LRP1B: variants seen among roughly 807,000 people sequenced by gnomAD.
LRP1B encodes LDL receptor related protein 1B, also known as low-density lipoprotein receptor-related protein 1B.
LRP1B carries 217 observed loss-of-function variants against 556.6 expected under a neutral mutation model. The observed-to-expected ratio is 0.39, with a 90% CI of 0.35 to 0.44. The LOEUF is 0.44. Ranked by LOEUF, LRP1B falls within the 20% of genes least tolerant of loss-of-function variation. The pLI is 1.00. For missense variants in LRP1B, 5,053 were observed against 5,620.8 expected (o/e 0.90, Z 3.23); for synonymous variants, 2,047 against 1,865.8 (o/e 1.10, Z -2.50).
chr2:142,009,573 TAA>T (rs111442729), intron 1 of LRP1B, among the ~76,000 whole-genome samples: 3,866 of 152,250 alleles, frequency 0.025, 165 homozygotes, highest in East Asian at 0.17. Context: ...ACTTCACTTC[TAA>T]AAAGAGTGTC....
chr2:142,106,403 A>G (rs995514488), intron 1 of LRP1B, among the ~76,000 whole-genome samples: 1 of 152,154 alleles, frequency 6.6e-6, no homozygotes, highest in Admixed American at 6.6e-5. Flanking sequence ...ACCTCATGTC[A>G]TAAGCTGTAA....
intron 35 of LRP1B, among the ~76,000 whole-genome samples, chr2:140,763,850 T>C (rs1689010873): frequency 6.6e-6 from 1 of 152,290 alleles, no homozygotes; most frequent in East Asian, 1.9e-4. Flanking sequence ...CCTACAAATC[T>C]ATACACACTG....
At chr2:140,630,892 A>G (rs1253663362) in intron 41 of LRP1B, among the ~76,000 whole-genome samples, 1 of 152,162 alleles carries the variant, frequency 6.6e-6, no homozygotes, top group East Asian at 1.9e-4. Context: ...CAGACCTGGG[A>G]CAGAAGCCCA....
At chr2:141,141,223 A>C (rs1398077499) in intron 7 of LRP1B, among the ~76,000 whole-genome samples, 2 of 152,288 alleles carry the variant, frequency 1.3e-5, no homozygotes, top group East Asian at 3.9e-4. Flanking sequence ...GACAAATCAG[A>C]TCGGATTAAT....
intron 2 of LRP1B, among the ~76,000 whole-genome samples, chr2:141,491,841 T>G (rs1263630177): frequency 3.3e-5 from 5 of 152,102 alleles, no homozygotes; most frequent in Non-Finnish European, 7.4e-5. Flanking sequence ...TTTTTTTCTT[T>G]TTAAGATACC....
intron 1 of LRP1B, among the ~76,000 whole-genome samples, chr2:141,978,176 T>TC (rs1458521353): frequency 1.3e-5 from 2 of 152,230 alleles, no homozygotes; most frequent in East Asian, 3.9e-4. Flanking sequence ...AATGAACTTA[T>TC]CTCCTTATCT....
chr2:142,066,667 C>G (rs141927404), intron 1 of LRP1B, among the ~76,000 whole-genome samples: 1 of 151,554 alleles, frequency 6.6e-6, no homozygotes, highest in East Asian at 1.9e-4. Flanking sequence ...CATTGACTTC[C>G]GTATTTCTAC....
At chr2:141,629,365 C>A (rs1202317112) in intron 2 of LRP1B, among the ~76,000 whole-genome samples, 1 of 152,074 alleles carries the variant, frequency 6.6e-6, no homozygotes, top group Non-Finnish European at 1.5e-5. Flanking sequence ...AAGAGCTAAA[C>A]CCCCCTACAC....
chr2:141,631,468 C>T (rs1352533882), intron 2 of LRP1B, among the ~76,000 whole-genome samples: 1 of 132,254 alleles, frequency 7.6e-6, no homozygotes, highest in Non-Finnish European at 1.5e-5. Flanking sequence ...CCAGACTGGA[C>T]AAACTAGAAT....
intron 7 of LRP1B, among the ~76,000 whole-genome samples, chr2:141,108,402 G>A (rs749369035): frequency 5.6e-5 from 7 of 125,332 alleles, no homozygotes; most frequent in Non-Finnish European, 1.1e-4. Flanking sequence ...AGGCTGGAGT[G>A]CAATGGCACA....
At chr2:141,001,700 A>T (rs574628738) in intron 15 of LRP1B, among the ~76,000 whole-genome samples, 1 of 152,078 alleles carries the variant, frequency 6.6e-6, no homozygotes, top group Non-Finnish European at 1.5e-5. Flanking sequence ...GCTACCTCCC[A>T]TCTTTAAGAG....
chr2:140,978,468 G>C (rs1304136332), intron 18 of LRP1B, among the ~76,000 whole-genome samples: 1 of 152,058 alleles, frequency 6.6e-6, no homozygotes, highest in Admixed American at 6.6e-5. Context: ...GAAACCTTTG[G>C]GAATCTGGGC....
intron 2 of LRP1B, among the ~76,000 whole-genome samples, chr2:141,531,002 A>T (rs1435538330): frequency 6.6e-6 from 1 of 151,676 alleles, no homozygotes; most frequent in African/African-American, 2.4e-5. Context: ...AGTAAATTTT[A>T]AGCAAAGAAA....
chr2:140,994,282 C>T, intron 15 of LRP1B, 147 bp from the exon 16 acceptor site: 3 of 679,448 alleles, frequency 4.4e-6, no homozygotes, highest in Non-Finnish European at 7.4e-6. Flanking sequence ...CCTTATTTTA[C>T]TGAGCACAAT....
intron 1 of LRP1B, among the ~76,000 whole-genome samples, chr2:141,885,841 TA>T (rs1364091200): frequency 3.9e-5 from 6 of 152,186 alleles, no homozygotes; most frequent in African/African-American, 1.4e-4. Flanking sequence ...TTGTGGTAAA[TA>T]AAAGTAAGGA....
intron 84 of LRP1B, among the ~76,000 whole-genome samples, chr2:140,291,139 C>T (rs1227137055): frequency 1.3e-5 from 2 of 151,270 alleles, no homozygotes; most frequent in South Asian, 4.2e-4. Context: ...AGCCCTCCTG[C>T]TAATAGAAAC....
intron 2 of LRP1B, among the ~76,000 whole-genome samples, chr2:141,753,263 C>CACATATATATATAT (rs1553459356): frequency 1.6e-5 from 1 of 62,502 alleles, no homozygotes; most frequent in African/African-American, 6.0e-5. Flanking sequence ...TCTCTCTCTC[C>CACATATATATATAT]ATATATATAT....
intron 84 of LRP1B, among the ~76,000 whole-genome samples, chr2:140,287,500 A>AAGG (rs1332911397): frequency 6.6e-6 from 1 of 151,770 alleles, no homozygotes; most frequent in Non-Finnish European, 1.5e-5. Flanking sequence ...GTTGATTTTC[A>AAGG]AGGAAAGGTT....
intron 33 of LRP1B, among the ~76,000 whole-genome samples, chr2:140,775,467 A>ATTTTTT (rs61535948): frequency 4.5e-5 from 5 of 111,190 alleles, no homozygotes; most frequent in South Asian, 3.3e-4. Flanking sequence ...TTTTTGGTTG[A>ATTTTTT]TTTTTTTTTT....
Sources: gnomAD v4.1 joint callset for allele counts (sites outside exome capture counted in the v4.1 genomes callset) on GRCh38, gnomAD v4.1.1 for gene constraint, MANE v1.5 for transcripts, NCBI Gene and HGNC (gene_info 2026-07-23, HGNC 2026-07-21) for gene names.